The following DCC variants were observed in gnomAD, a reference collection of about 807,000 sequenced individuals.
The protein encoded by DCC is DCC netrin 1 receptor, also known as netrin receptor DCC.
Under a neutral mutation model 172.5 loss-of-function variants are expected in DCC, and 58 were observed. The observed-to-expected ratio is 0.34, with a 90% CI of 0.27 to 0.42. The LOEUF is 0.42. DCC is among the 10% of genes least tolerant of loss of function. The probability of loss-of-function intolerance (pLI) is 1.00; values close to 1 mark genes in which losing one functional copy is unlikely to be tolerated. For missense variants in DCC, 1,740 were observed against 1,791.0 expected, an observed-to-expected ratio of 0.97 and a Z score of 0.51; for synonymous variants, 709 against 644.5, an observed-to-expected ratio of 1.10 and a Z score of -1.52.
intron 5 of DCC, among the ~76,000 whole-genome samples, chr18:52,930,628 T>C (rs2040293113): frequency 6.6e-6 from 1 of 152,146 alleles, no homozygotes; most frequent in Admixed American, 6.6e-5. Flanking sequence ...TGTAAGTATT[T>C]ATATTCCTAT....
chr18:53,110,084 C>T (rs2043308493), intron 7 of DCC, among the ~76,000 whole-genome samples: 1 of 151,542 alleles, frequency 6.6e-6, no homozygotes. Context: ...ATAATCATAG[C>T]TTGAAGAATG....
intron 2 of DCC, among the ~76,000 whole-genome samples, chr18:52,853,140 T>C (rs1445313653): frequency 1.3e-5 from 2 of 152,074 alleles, no homozygotes; most frequent in African/African-American, 4.8e-5. Context: ...ACAGGGAGTT[T>C]GAATAGAGAC....
chr18:52,776,846 C>T (rs905106750), intron 2 of DCC, among the ~76,000 whole-genome samples: 1 of 152,122 alleles, frequency 6.6e-6, no homozygotes, highest in Non-Finnish European at 1.5e-5. Context: ...AACTATTAAT[C>T]ATGTGAGTAT....
intron 1 of DCC, among the ~76,000 whole-genome samples, chr18:52,633,253 C>T (rs1037178843): frequency 1.3e-5 from 2 of 152,092 alleles, no homozygotes; most frequent in Non-Finnish European, 2.9e-5. Flanking sequence ...TTCTGTTTAT[C>T]CTCAAAATCT....
chr18:53,025,367 G>A (rs936326847), intron 5 of DCC, among the ~76,000 whole-genome samples: 2 of 152,140 alleles, frequency 1.3e-5, no homozygotes, highest in Non-Finnish European at 2.9e-5. Context: ...AGTGATGTAG[G>A]AGTATACCTA....
intron 25 of DCC, among the ~76,000 whole-genome samples, chr18:53,475,710 T>C (rs1207785107): frequency 6.6e-6 from 1 of 152,126 alleles, no homozygotes. Context: ...GCTAGGGCAG[T>C]GCAGAAGGGA....
At chr18:52,933,507 G>A (rs940903539) in intron 5 of DCC, among the ~76,000 whole-genome samples, 4 of 152,026 alleles carry the variant, frequency 2.6e-5, no homozygotes, top group South Asian at 2.1e-4. Context: ...GGAAATAAGC[G>A]GGATGGGGAA....
At chr18:53,013,345 T>A (rs892167552) in intron 5 of DCC, among the ~76,000 whole-genome samples, 2 of 152,030 alleles carry the variant, frequency 1.3e-5, no homozygotes, top group South Asian at 4.1e-4. Flanking sequence ...GGCACATATA[T>A]ACCATGGAAT....
intron 7 of DCC, among the ~76,000 whole-genome samples, chr18:53,150,488 C>T (rs16956231): frequency 0.012 from 1,880 of 152,294 alleles, 39 homozygotes; most frequent in African/African-American, 0.042. Context: ...AGACTTGGTT[C>T]CTTCTTTCAC....
At chr18:52,570,235 A>G (rs1258245692) in intron 1 of DCC, among the ~76,000 whole-genome samples, 1 of 152,200 alleles carries the variant, frequency 6.6e-6, no homozygotes, top group Non-Finnish European at 1.5e-5. Flanking sequence ...CTATTGGATT[A>G]TCTGCTGTGG....
intron 1 of DCC, among the ~76,000 whole-genome samples, chr18:52,423,820 G>T (rs1308864269): frequency 1.3e-5 from 2 of 152,088 alleles, no homozygotes; most frequent in Non-Finnish European, 2.9e-5. Context: ...TTTAAAGTGT[G>T]ACCTTTTCTA....
At chr18:53,144,601 CG>C (rs1364058018) in intron 7 of DCC, among the ~76,000 whole-genome samples, 1 of 152,136 alleles carries the variant, frequency 6.6e-6, no homozygotes, top group East Asian at 1.9e-4. Flanking sequence ...GTCCCTCCCA[CG>C]ACACATGGGA....
chr18:53,218,735 G>T (rs927053042), intron 12 of DCC, among the ~76,000 whole-genome samples: 27 of 151,972 alleles, frequency 1.8e-4, no homozygotes. Flanking sequence ...TTATGAAATG[G>T]ACTTTAAAAT....
intron 12 of DCC, among the ~76,000 whole-genome samples, chr18:53,264,272 A>G (rs1455156534): frequency 6.6e-6 from 1 of 152,068 alleles, no homozygotes; most frequent in Non-Finnish European, 1.5e-5. Flanking sequence ...GCAGATCATG[A>G]GGTCAGGAGT....
intron 1 of DCC, among the ~76,000 whole-genome samples, chr18:52,376,012 C>T (rs907694368): frequency 2.0e-5 from 3 of 152,112 alleles, no homozygotes; most frequent in Admixed American, 6.6e-5. Flanking sequence ...TACATGCTAG[C>T]CCGAAAGACC....
At chr18:53,469,685 A>G (rs1739691855) in intron 25 of DCC, among the ~76,000 whole-genome samples, 1 of 152,120 alleles carries the variant, frequency 6.6e-6, no homozygotes, top group Admixed American at 6.6e-5. Context: ...TCACTGCAGT[A>G]AGCATACAAA....
chr18:53,134,396 G>A (rs995668182), intron 7 of DCC, among the ~76,000 whole-genome samples: 1 of 152,194 alleles, frequency 6.6e-6, no homozygotes, highest in Non-Finnish European at 1.5e-5. Flanking sequence ...GACCCTGCCT[G>A]CTTCTGAACT....
intron 11 of DCC, among the ~76,000 whole-genome samples, chr18:53,209,810 A>G (rs1441741566): frequency 1.3e-5 from 2 of 152,212 alleles, no homozygotes; most frequent in African/African-American, 4.8e-5. Context: ...ATTTATGTAG[A>G]TTTCATTCAC....
rs2040922514 is a variant in DCC, at chr18:52,965,938, C to A, written c.985+40568C>A. On this transcript the variant is annotated intron_variant, in intron 5 of 28. Coordinates refer to ENST00000442544, the MANE Select transcript of DCC (RefSeq NM_005215.4). Reference sequence around the variant, plus strand: ...TTTCATAAACCCATTAATATGAGAGCCAGGAAACATTTTCTCAGTACATTC... The same window carrying A: ...TTTCATAAACCCATTAATATGAGAGACAGGAAACATTTTCTCAGTACATTC... Among the ~76,000 whole-genome samples, 3 of 152,204 alleles carry A rather than the reference C, an allele frequency of 2.0e-5. No individual in the cohort carries two copies. In the South Asian group the frequency reaches 6.2e-4, roughly 32 times the overall value.
Sources: gnomAD v4.1 joint callset for allele counts (sites outside exome capture counted in the v4.1 genomes callset) on GRCh38, gnomAD v4.1.1 for gene constraint, MANE v1.5 for transcripts, NCBI Gene and HGNC (gene_info 2026-07-23, HGNC 2026-07-21) for gene names.